The following OSGIN2 variants were observed in gnomAD, a reference collection of about 807,000 sequenced individuals.
The protein encoded by OSGIN2 is oxidative stress-induced growth inhibitor 2.
OSGIN2 carries 19 observed loss-of-function variants against 53.8 expected under a neutral mutation model. The observed-to-expected ratio is 0.35, with a 90% confidence interval of 0.25 to 0.52. The LOEUF (loss-of-function observed/expected upper bound fraction) is 0.52, where lower values mean the gene tolerates loss of function less well. Ranked by LOEUF, OSGIN2 falls within the 20% of genes least tolerant of loss-of-function variation. The probability of loss-of-function intolerance (pLI) is 0.95; values close to 1 mark genes in which losing one functional copy is unlikely to be tolerated. For synonymous variants in OSGIN2, 236 were observed against 236.0 expected (o/e 1.00, Z 0.00); for missense variants, 520 against 662.7 (o/e 0.78, Z 2.36).
intron 2 of OSGIN2, among the ~76,000 whole-genome samples, chr8:89,911,344 C>T (rs1355550432): frequency 6.6e-6 from 1 of 152,074 alleles, no homozygotes; most frequent in African/African-American, 2.4e-5. Flanking sequence ...AGGACTGGGA[C>T]ATCTCTGGGC....
rs1454400098 is a variant in OSGIN2 at position 89,926,889 on chromosome 8, A to G, written c.*1357A>G. The G allele has an allele frequency of 6.6e-6, 1 of 152,200 alleles. No homozygotes were observed. Among genetic ancestry groups the G allele is most frequent in the Non-Finnish European group, 1.5e-5 (1 of 68,010 alleles). 9.4% of individuals were successfully genotyped at this position (152,200 alleles called of 1,614,324 possible). A position where few individuals can be genotyped will look rare whatever the true frequency, so the allele number is the denominator to read the frequency against. Reference sequence around the variant, plus strand: ...GCAGTATTAAATGCTTAAGCTTATTAGGACCATAATTCACTTTAAATATAA... The same window carrying G: ...GCAGTATTAAATGCTTAAGCTTATTGGGACCATAATTCACTTTAAATATAA... On this transcript the variant is annotated 3_prime_UTR_variant, in exon 6 of 6. Coordinates refer to ENST00000451899, the MANE Select transcript of OSGIN2 (RefSeq NM_001126111.3).
At chr8:89,911,196 A>C (rs1349281661) in intron 2 of OSGIN2, among the ~76,000 whole-genome samples, 1 of 152,202 alleles carries the variant, frequency 6.6e-6, no homozygotes, top group Non-Finnish European at 1.5e-5. Context: ...ACAACTGGGA[A>C]AAGTTCTCTA....
chr8:89,923,280 T>C (rs1461934552), intron 5 of OSGIN2, among the ~76,000 whole-genome samples: 2 of 152,218 alleles, frequency 1.3e-5, no homozygotes, highest in Admixed American at 6.5e-5. Context: ...TATGGGACCA[T>C]TGTTGTATAT....
In OSGIN2 at chr8:89,927,857, T is replaced by TCAA. The variant is rs1809384086; in HGVS notation, c.*2327_*2329dup. ...AGTGGTGGAAAATTTCTAAATAAAT[T>TCAA]CAACTATTAAATAAATGCAAGTTCC... On this transcript the variant is annotated 3_prime_UTR_variant, in exon 6 of 6. Transcript: ENST00000451899. 1 of 152,188 alleles carries TCAA rather than the reference T, an allele frequency of 6.6e-6. No homozygotes were observed. Among genetic ancestry groups the TCAA allele is most frequent in the East Asian group, 1.9e-4 (1 of 5,202 alleles). 9.4% of individuals were successfully genotyped at this position (152,188 alleles called of 1,614,324 possible).
rs1181567522 is a variant in OSGIN2 at position 89,902,738 on chromosome 8, G to T, written c.-56G>T. The T allele has an allele frequency of 1.9e-5, 21 of 1,088,924 alleles. No individual in the cohort carries two copies. Among genetic ancestry groups the T allele is most frequent in the Non-Finnish European group, 2.3e-5 (20 of 875,324 alleles). The allele number at this position is 1,088,924 out of a possible 1,614,324, so 67.5% of individuals were successfully genotyped here. ...GCGCCCCGAGCGGGCAGCCTCGCCGGGGGAGGCGGAGGCGGCCACGGCGGC... is the reference window on the plus strand; with the variant it reads ...GCGCCCCGAGCGGGCAGCCTCGCCGTGGGAGGCGGAGGCGGCCACGGCGGC... On this transcript the variant is annotated 5_prime_UTR_variant, in exon 1 of 6. Transcript: ENST00000451899.
At chr8:89,918,025 G>A (rs1049006094) in intron 4 of OSGIN2, among the ~76,000 whole-genome samples, 4 of 152,148 alleles carry the variant, frequency 2.6e-5, no homozygotes, top group African/African-American at 9.7e-5. Flanking sequence ...TCCTGAAAGA[G>A]TTACCTATAC....
Position 89,902,667 on chromosome 8 carries a change from C to T in OSGIN2, c.-127C>T, listed in dbSNP as rs1808746199. 2 of 215,510 alleles carry T rather than the reference C, an allele frequency of 9.3e-6. No individual in the cohort carries two copies. Among genetic ancestry groups the T allele is most frequent in the South Asian group, 1.6e-4 (1 of 6,398 alleles). The allele number at this position is 215,510 out of a possible 1,614,324, so 13.3% of individuals were successfully genotyped here. The stretch of plus-strand genomic sequence containing the variant: ...CGGGGCAGCCGCGGCAACGGCGAGG[C>T]GCGAGGCAGGGGCGCCCGGCAGACC... On this transcript the variant is annotated 5_prime_UTR_variant, in exon 1 of 6. Transcript: ENST00000451899.
At chr8:89,916,995 C>T (rs1809093547) in intron 4 of OSGIN2, among the ~76,000 whole-genome samples, 1 of 152,192 alleles carries the variant, frequency 6.6e-6, no homozygotes, top group South Asian at 2.1e-4. Flanking sequence ...AGACTGTCTC[C>T]AGACTGTCTC....
Position 89,914,656 on chromosome 8 carries a change from T to C in OSGIN2, c.438T>C (p.Asp146=). The change falls in exon 4 of 6, where the codon GAT becomes GAC. Residue 146 remains aspartate (D), a synonymous_variant. Transcript: ENST00000451899. The part of the protein sequence containing the change: ...LLHPDADFGY[D]YPSVLHWKLE... ...ATCCAGATGCTGACTTTGGGTATGA[T>C]TATCCATCCGTTTTGCATTGGAAAT... is the stretch of plus-strand genomic sequence containing the variant. 2.5e-6 allele frequency: 4 copies of C among 1,613,912 alleles called. No homozygotes were observed. The highest frequency in any genetic ancestry group is 3.4e-6 in the Non-Finnish European group (4 of 1,179,760).
intron 1 of OSGIN2, among the ~76,000 whole-genome samples, chr8:89,908,495 G>C (rs2130691914): frequency 6.6e-6 from 1 of 152,240 alleles, no homozygotes; most frequent in South Asian, 2.1e-4. Context: ...GGATCAGTGA[G>C]TTCAATCTTG....
At chr8:89,920,869 T>C (rs1471517775) in intron 4 of OSGIN2, among the ~76,000 whole-genome samples, 1 of 152,206 alleles carries the variant, frequency 6.6e-6, no homozygotes, top group East Asian at 1.9e-4. Flanking sequence ...AAGAAGGTTG[T>C]CGGGATAATA....
At chr8:89,910,224 A>G (rs1475670488) in intron 2 of OSGIN2, among the ~76,000 whole-genome samples, 1 of 152,222 alleles carries the variant, frequency 6.6e-6, no homozygotes, top group Non-Finnish European at 1.5e-5. Context: ...ACTATTTTAT[A>G]TCCTTTGTAT....
Position 89,914,763 on chromosome 8 carries a change from T to C in OSGIN2, c.528+17T>C. 6.3e-7 allele frequency: 1 copy of C among 1,588,092 alleles called. No homozygotes were observed. The highest frequency in any genetic ancestry group is 8.6e-7 in the Non-Finnish European group (1 of 1,157,276). On this transcript the variant is annotated intron_variant, in intron 4 of 5. Transcript: ENST00000451899. Reference sequence around the variant, plus strand: ...GCTTGGCATGTGAGTATATTTTTCTTAGCATTTTAGTGTATGTGAATTATT... The same window carrying C: ...GCTTGGCATGTGAGTATATTTTTCTCAGCATTTTAGTGTATGTGAATTATT...
intron 1 of OSGIN2, among the ~76,000 whole-genome samples, chr8:89,906,187 A>G (rs748426755): frequency 2.0e-5 from 3 of 152,200 alleles, no homozygotes; most frequent in African/African-American, 4.8e-5. Context: ...CCTAGTACCC[A>G]TTAGTTCAGG....
rs777822029 is a variant in OSGIN2 at position 89,914,064 on chromosome 8, T to C, written c.200-13T>C. 2.5e-6 allele frequency: 4 copies of C among 1,607,870 alleles called. No individual in the cohort carries two copies. In the East Asian group the frequency reaches 8.9e-5, roughly 36 times the overall value. On this transcript the variant is annotated splice_polypyrimidine_tract_variant and intron_variant, in intron 2 of 5. Transcript: ENST00000451899. The stretch of plus-strand genomic sequence containing the variant: ...TGCATGACCTACCCCTTTCCACCTT[T>C]TATTTTTAATAGGAAATGGACCCTC...
Position 89,925,597 on chromosome 8 carries a change from G to A in OSGIN2, c.*65G>A. The A allele has an allele frequency of 7.6e-7, 1 of 1,312,006 alleles. No homozygotes were observed. The highest frequency in any genetic ancestry group is 1.1e-6 in the Non-Finnish European group (1 of 947,902). 81.3% of individuals were successfully genotyped at this position (1,312,006 alleles called of 1,614,324 possible). On this transcript the variant is annotated 3_prime_UTR_variant, in exon 6 of 6. Coordinates refer to ENST00000451899, the MANE Select transcript of OSGIN2 (RefSeq NM_001126111.3). The stretch of plus-strand genomic sequence containing the variant: ...AAAGATTTTTAATAGTGGTTTTGCA[G>A]TGTACTGGCTTGAATTTTCTGGACT...
chr8:89,912,349 G>C (rs1808984410), intron 2 of OSGIN2, among the ~76,000 whole-genome samples: 1 of 152,188 alleles, frequency 6.6e-6, no homozygotes, highest in East Asian at 1.9e-4. Context: ...GCAGTTTCTT[G>C]CCTGCTGCAC....
intron 4 of OSGIN2, among the ~76,000 whole-genome samples, chr8:89,915,645 T>A (rs917421063): frequency 1.3e-5 from 2 of 152,224 alleles, no homozygotes; most frequent in African/African-American, 4.8e-5. Context: ...GTTATACAAA[T>A]TGATGTTAAG....
rs1586003093 is a variant in OSGIN2 at position 89,914,103 on chromosome 8, T to C, written c.226T>C (p.Ser76Pro). Residue 76 changes from serine (S) to proline (P), a missense_variant, in exon 3 of 6, where the codon TCT becomes CCT. This residue lies in a region of OSGIN2 where 203 missense variants were observed against 275.3 expected (regional missense o/e 0.74). Coordinates refer to ENST00000451899, the MANE Select transcript of OSGIN2 (RefSeq NM_001126111.3). ...AAATGGACCCTCAGGAATATGCCTT[T>C]CTTATATGTTATCAGGCTACAGACC... is the stretch of plus-strand genomic sequence containing the variant. ...IGNGPSGICL[S>P]YMLSGYRPYL... is the part of the protein sequence containing the mutation. 1 of 1,611,206 alleles carries C rather than the reference T, an allele frequency of 6.2e-7. No individual in the cohort carries two copies. The highest frequency in any genetic ancestry group is 2.2e-5 in the East Asian group (1 of 44,760).
Sources: allele counts gnomAD v4.1 joint callset (sites outside exome capture counted in the v4.1 genomes callset), GRCh38; gene constraint gnomAD v4.1.1; regional missense constraint gnomAD v4.1.1; transcripts MANE v1.5; gene names NCBI Gene and HGNC (gene_info 2026-07-23, HGNC 2026-07-21).